MED26: variants seen among roughly 807,000 people sequenced by gnomAD.
The protein encoded by MED26 is mediator complex subunit 26, also known as mediator of RNA polymerase II transcription subunit 26.
MED26 carries 7 observed loss-of-function variants against 43.7 expected under a neutral mutation model. The observed-to-expected ratio is 0.16, with a 90% CI of 0.09 to 0.30. The LOEUF (loss-of-function observed/expected upper bound fraction) is 0.30, where lower values mean the gene tolerates loss of function less well. Ranked by LOEUF, MED26 falls within the 10% of genes least tolerant of loss-of-function variation. The probability of loss-of-function intolerance (pLI) is 1.00; values close to 1 mark genes in which losing one functional copy is unlikely to be tolerated. For missense variants in MED26, 784 were observed against 840.6 expected, an observed-to-expected ratio of 0.93 and a Z score of 0.83; for synonymous variants, 375 against 371.1, an observed-to-expected ratio of 1.01 and a Z score of -0.12.
chr19:16,622,312 C>T (rs2086255520), intron 1 of MED26, among the ~76,000 whole-genome samples: 1 of 152,212 alleles, frequency 6.6e-6, no homozygotes, highest in African/African-American at 2.4e-5. Flanking sequence ...ATCTGCCCTC[C>T]TCCCTATGAG....
At chr19:16,585,887 C>T (rs1243554652) in intron 1 of MED26, among the ~76,000 whole-genome samples, 2 of 152,186 alleles carry the variant, frequency 1.3e-5, no homozygotes, top group Non-Finnish European at 2.9e-5. Flanking sequence ...GGAGTGGACC[C>T]GCTACTGGCC....
Position 16,614,972 on chromosome 19 carries a change from G to A in MED26, c.72+12900C>T, listed in dbSNP as rs1455352350. Among the ~76,000 whole-genome samples the A allele has an allele frequency of 2.0e-5, 3 of 152,156 alleles. No individual in the cohort carries two copies. In the East Asian group the frequency reaches 5.8e-4, roughly 29 times the overall value. On this transcript the variant is annotated intron_variant, in intron 1 of 2. Coordinates refer to ENST00000263390, the MANE Select transcript of MED26 (RefSeq NM_004831.5). ...GGCAATGCTACTTCTGTAATCTGAAGTCAGAAATGGACCCACATCCATTTG... is the reference window on the plus strand; with the variant it reads ...GGCAATGCTACTTCTGTAATCTGAAATCAGAAATGGACCCACATCCATTTG...
Position 16,586,964 on chromosome 19 carries a change from T to A in MED26, c.73-8555A>T, listed in dbSNP as rs970567630. On this transcript the variant is annotated intron_variant, in intron 1 of 2. Coordinates refer to ENST00000263390, the MANE Select transcript of MED26 (RefSeq NM_004831.5). The surrounding 1 kb of genome is among the most constrained non-coding windows in gnomAD (Gnocchi z 5.1). ...GGTCTAGACAGTAATTTACAAAAAC[T>A]ACTTAGCTCAAAAGACTGTGGAAGT... The A allele has an allele frequency of 2.6e-5, 4 of 151,264 alleles. No individual in the cohort carries two copies. Among genetic ancestry groups the A allele is most frequent in the Admixed American group, 2.0e-4 (3 of 15,180 alleles). 9.4% of individuals were successfully genotyped at this position (151,264 alleles called of 1,614,324 possible).
At chr19:16,605,934 C>T (rs756776549) in intron 1 of MED26, among the ~76,000 whole-genome samples, 1 of 152,258 alleles carries the variant, frequency 6.6e-6, no homozygotes, top group Admixed American at 6.5e-5. Context: ...CAAAGCTCTA[C>T]ATCACTGTGT....
chr19:16,615,856 C>A lies in MED26; in HGVS notation c.72+12016G>T, dbSNP rs191344742. 8.9e-4 allele frequency among the ~76,000 whole-genome samples: 135 copies of A among 152,286 alleles called. 1 individual carries two copies. Among genetic ancestry groups the A allele is most frequent in the Non-Finnish European group, 2.5e-4 (17 of 68,028 alleles). The stretch of plus-strand genomic sequence containing the variant: ...TGACCAGGTCTTAATCCTGGACAGG[C>A]TGCCTCCAGGCAGCAAACCCCAGCA... On this transcript the variant is annotated intron_variant, in intron 1 of 2. Transcript: ENST00000263390.
chr19:16,598,336 CAAAAAAAAA>C (rs35572400), intron 1 of MED26, among the ~76,000 whole-genome samples: 5 of 63,418 alleles, frequency 7.9e-5, no homozygotes, highest in African/African-American at 1.5e-4. Context: ...GATTCCATCT[CAAAAAAAAA>C]AAAAAAAAAA....
At chr19:16,623,774 C>T (rs1057104772) in intron 1 of MED26, among the ~76,000 whole-genome samples, 6 of 152,294 alleles carry the variant, frequency 3.9e-5, no homozygotes, top group East Asian at 1.9e-4. Flanking sequence ...TTCAAGGCAG[C>T]GTGGTGGTGT....
intron 1 of MED26, among the ~76,000 whole-genome samples, chr19:16,619,858 C>T (rs1306633788): frequency 6.6e-6 from 1 of 152,230 alleles, no homozygotes; most frequent in Non-Finnish European, 1.5e-5. Context: ...GACAAAGCAG[C>T]ACCCTACTTT....
chr19:16,618,040 CT>C (rs35982539), intron 1 of MED26, among the ~76,000 whole-genome samples: 5,496 of 152,272 alleles, frequency 0.036, 237 homozygotes, highest in Admixed American at 0.087. Context: ...GACTCTACCC[CT>C]CTCCATTAAC....
chr19:16,591,675 C>T (rs907688990), intron 1 of MED26, among the ~76,000 whole-genome samples: 3 of 152,186 alleles, frequency 2.0e-5, no homozygotes, highest in African/African-American at 7.2e-5. Flanking sequence ...AAAAGGCCAG[C>T]GGCTGCAGAC....
rs2086073530 is a variant in MED26 at position 16,586,945 on chromosome 19, G to C, written c.73-8536C>G. The C allele has an allele frequency of 6.7e-6, 1 of 149,950 alleles. No homozygotes were observed. The highest frequency in any genetic ancestry group is 6.6e-5 in the Admixed American group (1 of 15,108). The allele number at this position is 149,950 out of a possible 1,614,324, so 9.3% of individuals were successfully genotyped here. The stretch of plus-strand genomic sequence containing the variant: ...TTTTTTTTTAATGCAGAATGGTCTA[G>C]ACAGTAATTTACAAAAACTACTTAG... On this transcript the variant is annotated intron_variant, in intron 1 of 2. Coordinates refer to ENST00000263390, the MANE Select transcript of MED26 (RefSeq NM_004831.5). The surrounding 1 kb of genome is among the most constrained non-coding windows in gnomAD (Gnocchi z 5.1).
intron 1 of MED26, among the ~76,000 whole-genome samples, chr19:16,579,114 A>ATAC (rs2122379852): frequency 6.6e-6 from 1 of 152,196 alleles, no homozygotes; most frequent in Non-Finnish European, 1.5e-5. Flanking sequence ...AATAATAATA[A>ATAC]TAATAATAAT....
chr19:16,595,390 CCT>C (rs2086115721), intron 1 of MED26, among the ~76,000 whole-genome samples: 1 of 152,204 alleles, frequency 6.6e-6, no homozygotes, highest in Non-Finnish European at 1.5e-5. Flanking sequence ...CTGTGGTCTT[CCT>C]CTCCTCTGAG....
chr19:16,596,173 G>A (rs2086119290), intron 1 of MED26, among the ~76,000 whole-genome samples: 1 of 152,140 alleles, frequency 6.6e-6, no homozygotes, highest in Non-Finnish European at 1.5e-5. Flanking sequence ...ACTGTGCCCA[G>A]CCATGCTTCA....
intron 1 of MED26, among the ~76,000 whole-genome samples, chr19:16,607,450 G>A (rs1170810562): frequency 6.6e-6 from 1 of 151,336 alleles, no homozygotes; most frequent in East Asian, 1.9e-4. Context: ...TCAGGGAGCA[G>A]ACAGAGGGCT....
intron 1 of MED26, among the ~76,000 whole-genome samples, chr19:16,609,311 CAAAAAAAAAAA>C (rs777358965): frequency 4.8e-4 from 12 of 25,066 alleles, no homozygotes; most frequent in East Asian, 3.8e-3. Context: ...GACTCCGTCT[CAAAAAAAAAAA>C]AAAAAAAAAA....
At chr19:16,621,800 G>C (rs1022557764) in intron 1 of MED26, among the ~76,000 whole-genome samples, 2 of 152,046 alleles carry the variant, frequency 1.3e-5, no homozygotes, top group Non-Finnish European at 2.9e-5. Flanking sequence ...GCACATCACA[G>C]AACTCTCACC....
intron 1 of MED26, among the ~76,000 whole-genome samples, chr19:16,608,718 C>A (rs1414117467): frequency 2.0e-5 from 3 of 152,246 alleles, no homozygotes; most frequent in Non-Finnish European, 4.4e-5. Context: ...CATTCACTCA[C>A]ATACTGTCTC....
intron 1 of MED26, among the ~76,000 whole-genome samples, chr19:16,595,096 T>A (rs1056837451): frequency 6.6e-6 from 1 of 152,132 alleles, no homozygotes; most frequent in Non-Finnish European, 1.5e-5. Flanking sequence ...TCACTGCGGA[T>A]TCACACTCCA....
Sources: allele counts gnomAD v4.1 joint callset (sites outside exome capture counted in the v4.1 genomes callset), GRCh38; gene constraint gnomAD v4.1.1; non-coding constraint Gnocchi (gnomAD v3.1); transcripts MANE v1.5; gene names NCBI Gene and HGNC (gene_info 2026-07-23, HGNC 2026-07-21).